The following RP1 variants were observed in gnomAD, a reference collection of about 807,000 sequenced individuals.
RP1 encodes oxygen-regulated protein 1.
RP1 carries 16 observed loss-of-function variants against 14.8 expected under a neutral mutation model. The ratio of observed to expected loss-of-function variants is 1.08; its 90% CI spans 0.73 to 1.65. The LOEUF is 1.65. Among genes scored for constraint, RP1 ranks in the 40% most tolerant of loss-of-function variants. RP1 has a pLI of 0.00. For missense variants in RP1, 2,631 were observed against 2,535.0 expected (o/e 1.04, Z -0.81); for synonymous variants, 876 against 883.6 (o/e 0.99, Z 0.15).
chr8:54,758,807 C>T, intron 21 of RP1: 1 of 1,089,666 alleles, frequency 9.2e-7, no homozygotes, highest in Non-Finnish European at 1.3e-6. Context: ...AGTAACATCT[C>T]TTTTAAAGTA....
upstream of RP1, among the ~76,000 whole-genome samples, chr8:54,615,778 AT>A: frequency 6.6e-6 from 1 of 152,376 alleles, no homozygotes; most frequent in East Asian, 1.9e-4. Context: ...ATGTCAAACA[AT>A]TTCATTTTTA....
intron 1 of RP1, 145 bp from the exon 2 acceptor site, chr8:54,620,810 A>C (rs1805837753): frequency 2.6e-6 from 2 of 765,800 alleles, no homozygotes; most frequent in Non-Finnish European, 4.4e-6. Context: ...TTCAAAATTG[A>C]TAGGTATAAT....
rs553898862 is a variant in RP1 at position 54,862,199 on chromosome 8, C to T, written c.4070-3636C>T. Among the ~76,000 whole-genome samples, 3 of 152,234 alleles carry T rather than the reference C, an allele frequency of 2.0e-5. No individual in the cohort carries two copies. In the South Asian group the frequency reaches 6.2e-4, roughly 32 times the overall value. ...CGTAGAAGTCAGTTGCTAGGTAGGT[C>T]AAAGGATATGATCATATCTGGGTCT... On this transcript the variant is annotated intron_variant, in intron 27 of 28. Transcript: ENST00000637698.
intron 1 of RP1, among the ~76,000 whole-genome samples, chr8:54,584,829 C>T (rs896859122): frequency 6.6e-6 from 1 of 151,996 alleles, no homozygotes; most frequent in East Asian, 1.9e-4. Context: ...CAACCCCTGC[C>T]TTTTTTGGTT....
At chr8:54,852,897 A>G (rs1812088834) in intron 26 of RP1, among the ~76,000 whole-genome samples, 1 of 152,208 alleles carries the variant, frequency 6.6e-6, no homozygotes. Context: ...GGAGTTGAGT[A>G]GAGGATGGGA....
intron 1 of RP1, among the ~76,000 whole-genome samples, chr8:54,609,517 T>C (rs900511188): frequency 6.6e-6 from 1 of 151,888 alleles, no homozygotes; most frequent in Non-Finnish European, 1.5e-5. Context: ...GAAAACAACA[T>C]AAAACAGAAT....
At chr8:54,605,775 TC>T (rs1205814032) in intron 1 of RP1, among the ~76,000 whole-genome samples, 2 of 152,230 alleles carry the variant, frequency 1.3e-5, no homozygotes, top group South Asian at 4.1e-4. Flanking sequence ...GTTGAATTGA[TC>T]CCTTTACCAT....
chr8:54,638,690 A>G (rs1464339960), intron 3 of RP1, among the ~76,000 whole-genome samples: 2 of 152,068 alleles, frequency 1.3e-5, no homozygotes, highest in Non-Finnish European at 2.9e-5. Flanking sequence ...ACACACTTGT[A>G]TAGGGTTGGT....
chr8:54,846,290 G>A (rs1288762922), intron 25 of RP1, among the ~76,000 whole-genome samples: 2 of 152,184 alleles, frequency 1.3e-5, no homozygotes, highest in Non-Finnish European at 2.9e-5. Flanking sequence ...CATGGTCCAG[G>A]TTACTGCTAT....
chr8:54,616,543 A>G (rs925781179), intron 1 of RP1, among the ~76,000 whole-genome samples: 2 of 152,218 alleles, frequency 1.3e-5, no homozygotes, highest in Non-Finnish European at 2.9e-5. Flanking sequence ...TTGTAATTCA[A>G]CAATGCTGTG....
intron 12 of RP1, chr8:54,696,326 C>T (rs1283304383): frequency 2.2e-6 from 1 of 464,224 alleles, no homozygotes; most frequent in Non-Finnish European, 3.8e-6. Flanking sequence ...ACAAAATGGG[C>T]TGTGCTGACA....
intron 24 of RP1, among the ~76,000 whole-genome samples, chr8:54,817,792 TA>T (rs1811168990): frequency 2.0e-5 from 3 of 152,178 alleles, no homozygotes; most frequent in Admixed American, 2.0e-4. Context: ...ATGATGTACA[TA>T]AAATAAAATA....
intron 1 of RP1, among the ~76,000 whole-genome samples, chr8:54,570,979 G>A (rs1804506405): frequency 6.6e-6 from 1 of 152,198 alleles, no homozygotes; most frequent in South Asian, 2.1e-4. Context: ...GGCCTAGGCA[G>A]GCAGGAGGGC....
intron 18 of RP1, among the ~76,000 whole-genome samples, chr8:54,735,726 T>C (rs1192449080): frequency 6.6e-6 from 1 of 152,226 alleles, no homozygotes; most frequent in Non-Finnish European, 1.5e-5. Context: ...AGCCATACCT[T>C]ATACAAATAC....
chr8:54,775,982 C>T (rs566469415), intron 23 of RP1, among the ~76,000 whole-genome samples: 29 of 152,232 alleles, frequency 1.9e-4, no homozygotes, highest in African/African-American at 6.7e-4. Context: ...GGTCCTACAT[C>T]CCCAGATTCC....
intron 24 of RP1, among the ~76,000 whole-genome samples, chr8:54,788,371 T>A (rs575885512): frequency 1.3e-5 from 2 of 152,346 alleles, no homozygotes; most frequent in African/African-American, 4.8e-5. Flanking sequence ...GCTAGATGGG[T>A]GTTAGCATGT....
At position 54,628,238 on chromosome 8, in the gene RP1, C is replaced by T; in HGVS notation, c.4356C>T (p.Thr1452=). The T allele has an allele frequency of 6.2e-7, 1 of 1,613,876 alleles. No individual in the cohort carries two copies. Among genetic ancestry groups the T allele is most frequent in the South Asian group, 1.1e-5 (1 of 91,060 alleles). The stretch of plus-strand genomic sequence containing the variant: ...CTTCTGAAGAACCAGGCTCAATAAC[C>T]AACAGCATGACATCAAGTGAAAGAA... ...PRTSEEPGSI[T]NSMTSSERNI... Residue 1452 remains threonine (T), a synonymous_variant, in exon 4 of 4, where the codon ACC becomes ACT. Coordinates refer to ENST00000220676, the MANE Select transcript of RP1 (RefSeq NM_006269.2).
chr8:54,847,720 C>G lies in RP1; in HGVS notation c.3836-4854C>G, dbSNP rs1438594429. Among the ~76,000 whole-genome samples the G allele has an allele frequency of 3.9e-5, 6 of 152,236 alleles. No homozygotes were observed. The South Asian group carries it at 1.2e-3, about 31-fold the overall frequency. ...CAGGCCCTTGGCCTTATCCAACCTGCTGCTATTCATTAAGCTGTCATGGTT... is the reference window on the plus strand; with the variant it reads ...CAGGCCCTTGGCCTTATCCAACCTGGTGCTATTCATTAAGCTGTCATGGTT... On this transcript the variant is annotated intron_variant, in intron 25 of 28. Coordinates refer to the RP1 transcript ENST00000637698.
At chr8:54,582,648 T>C (rs1283410607) in intron 1 of RP1, among the ~76,000 whole-genome samples, 1 of 152,208 alleles carries the variant, frequency 6.6e-6, no homozygotes, top group Non-Finnish European at 1.5e-5. Flanking sequence ...TGGAATGTTC[T>C]TCCATTTGTT....
Sources: gnomAD v4.1 joint callset for allele counts (sites outside exome capture counted in the v4.1 genomes callset) on GRCh38, gnomAD v4.1.1 for gene constraint, MANE v1.5 for transcripts, NCBI Gene and HGNC (gene_info 2026-07-23, HGNC 2026-07-21) for gene names.